KAZN: variants seen among roughly 807,000 people sequenced by gnomAD.
KAZN encodes the protein kazrin, periplakin interacting protein.
Under a neutral mutation model 87.4 loss-of-function variants are expected in KAZN, and 40 were observed. That is an observed-to-expected ratio of 0.46 (90% CI 0.36 to 0.60). KAZN has a LOEUF of 0.60. KAZN is among the 20% of genes least tolerant of loss of function. The probability of loss-of-function intolerance (pLI) is 0.00; values close to 1 mark genes in which losing one functional copy is unlikely to be tolerated. For synonymous variants in KAZN, 466 were observed against 458.3 expected (o/e 1.02, Z -0.22); for missense variants, 898 against 1,073.9 (o/e 0.84, Z 2.29).
At position 14,642,188 on chromosome 1, in the gene KAZN, G is replaced by A. The variant is rs57431148; in HGVS notation, c.226+42965G>A. Among the ~76,000 whole-genome samples the A allele has an allele frequency of 6.5e-3, 992 of 152,136 alleles. 22 individuals carry two copies. The highest frequency in any genetic ancestry group is 0.038 in the East Asian group (197 of 5,174). ...GCCAAGGCGGGCAGATGACAAGCTC[G>A]GGAGATCGAGACCATCCTGGCTAAC... On this transcript the variant is annotated intron_variant, in intron 1 of 14. Coordinates refer to ENST00000376030, the MANE Select transcript of KAZN (RefSeq NM_201628.3).
rs139092577 is a variant in KAZN at position 15,081,561 on chromosome 1, CGTGT to C, written c.1223-12603_1223-12600del. ...GAAAGGTTCCAGGAATTAATGACAG[CGTGT>C]GTGTGTGTGTGTGTGAGTGTGTGTG... On this transcript the variant is annotated intron_variant, in intron 8 of 14. Coordinates refer to ENST00000376030, the MANE Select transcript of KAZN (RefSeq NM_201628.3). This position sits in a 1 kb window ranked among gnomAD's most constrained non-coding sequence, Gnocchi z 4.1. Among the ~76,000 whole-genome samples, 30 of 149,768 alleles carry C rather than the reference CGTGT, an allele frequency of 2.0e-4. No individual in the cohort carries two copies. The highest frequency in any genetic ancestry group is 6.9e-3 in the Middle Eastern group (2 of 290).
intron 2 of KAZN, among the ~76,000 whole-genome samples, chr1:14,254,376 C>A (rs866230895): frequency 6.6e-6 from 1 of 152,188 alleles, no homozygotes; most frequent in Non-Finnish European, 1.5e-5. Context: ...GTATTTATGA[C>A]CTGCATCTCC....
chr1:13,922,005 A>G (rs1171996868), intron 1 of KAZN, among the ~76,000 whole-genome samples: 2 of 152,020 alleles, frequency 1.3e-5, no homozygotes, highest in East Asian at 3.9e-4. Context: ...GGTTTTTTCC[A>G]TGTGTCTTTT....
intron 2 of KAZN, among the ~76,000 whole-genome samples, chr1:14,578,112 A>G (rs533761658): frequency 2.0e-5 from 3 of 152,146 alleles, no homozygotes; most frequent in Non-Finnish European, 4.4e-5. Context: ...TTGGACGCAT[A>G]ATGAGCACAT....
chr1:14,133,052 T>G (rs1249217065), intron 1 of KAZN, among the ~76,000 whole-genome samples: 3 of 152,098 alleles, frequency 2.0e-5, no homozygotes, highest in Non-Finnish European at 4.4e-5. Context: ...GAAGTCTACT[T>G]TATTACATTC....
At chr1:14,241,515 A>G (rs1427523104) in intron 2 of KAZN, among the ~76,000 whole-genome samples, 2 of 152,242 alleles carry the variant, frequency 1.3e-5, no homozygotes, top group Admixed American at 1.3e-4. Context: ...AGAAACAGAC[A>G]TATAATAACA....
At chr1:14,904,237 G>A (rs1656240785) in intron 1 of KAZN, among the ~76,000 whole-genome samples, 3 of 150,920 alleles carry the variant, frequency 2.0e-5, no homozygotes, top group South Asian at 4.2e-4. Context: ...CTTGGGAGGC[G>A]GAGTTTGCAG....
At chr1:14,646,153 C>T (rs1248691225) in intron 1 of KAZN, among the ~76,000 whole-genome samples, 2 of 152,092 alleles carry the variant, frequency 1.3e-5, no homozygotes, top group Non-Finnish European at 2.9e-5. Context: ...GGGTGATAGA[C>T]CCCGGCCATA....
chr1:14,182,204 G>A (rs894336257), intron 2 of KAZN, among the ~76,000 whole-genome samples: 2 of 152,136 alleles, frequency 1.3e-5, no homozygotes, highest in African/African-American at 4.8e-5. Flanking sequence ...CTGCTAGAAT[G>A]TTCTCCTTTA....
intron 2 of KAZN, among the ~76,000 whole-genome samples, chr1:14,980,324 G>C (rs1666103779): frequency 6.6e-6 from 1 of 152,230 alleles, no homozygotes; most frequent in Admixed American, 6.5e-5. Context: ...TGTTGGGAGA[G>C]TGGGAGTCAA....
intron 1 of KAZN, among the ~76,000 whole-genome samples, chr1:14,079,246 T>C (rs1406933415): frequency 1.3e-5 from 2 of 152,244 alleles, no homozygotes; most frequent in Non-Finnish European, 2.9e-5. Context: ...CCAGGCTCTT[T>C]AACTCTTTTC....
intron 1 of KAZN, among the ~76,000 whole-genome samples, chr1:13,943,929 G>T (rs554562547): frequency 1.4e-4 from 21 of 152,324 alleles, no homozygotes; most frequent in Non-Finnish European, 2.8e-4. Flanking sequence ...AGTATTTCTG[G>T]TCAGAATGTA....
chr1:14,737,893 C>G (rs967369392), intron 1 of KAZN, among the ~76,000 whole-genome samples: 2 of 152,156 alleles, frequency 1.3e-5, no homozygotes, highest in Non-Finnish European at 1.5e-5. Flanking sequence ...TTTAAGGACT[C>G]ACCTGATTAG....
chr1:15,069,551 C>T (rs976565644), intron 8 of KAZN, among the ~76,000 whole-genome samples: 4 of 152,310 alleles, frequency 2.6e-5, no homozygotes, highest in East Asian at 1.9e-4. Context: ...GGCATGAACC[C>T]GGGAGTTGGA....
chr1:14,836,758 C>T (rs929690355), intron 1 of KAZN, among the ~76,000 whole-genome samples: 4 of 152,126 alleles, frequency 2.6e-5, no homozygotes, highest in Non-Finnish European at 2.9e-5. Context: ...GATTCCCCCA[C>T]GCCTTGCCTC....
At chr1:14,050,648 A>G (rs1294165896) in intron 1 of KAZN, among the ~76,000 whole-genome samples, 1 of 152,162 alleles carries the variant, frequency 6.6e-6, no homozygotes, top group East Asian at 1.9e-4. Flanking sequence ...GGGGATTACA[A>G]TTCGAGATGA....
intron 1 of KAZN, among the ~76,000 whole-genome samples, chr1:13,941,963 A>G (rs1640943706): frequency 6.6e-6 from 1 of 152,174 alleles, no homozygotes; most frequent in South Asian, 2.1e-4. Flanking sequence ...GTTGAACAGA[A>G]CTCAGTAGTC....
intron 1 of KAZN, among the ~76,000 whole-genome samples, chr1:13,894,635 T>C (rs1638965772): frequency 6.6e-6 from 1 of 152,204 alleles, no homozygotes; most frequent in South Asian, 2.1e-4. Context: ...CTCAGGAAGA[T>C]GGTGAGACGA....
At chr1:14,469,243 CATGAACGT>C (rs1175676643) in intron 2 of KAZN, among the ~76,000 whole-genome samples, 1 of 152,164 alleles carries the variant, frequency 6.6e-6, no homozygotes, top group African/African-American at 2.4e-5. Flanking sequence ...CTATATTCCC[CATGAACGT>C]ATAAAGTGTT....
Sources: allele counts gnomAD v4.1 joint callset (sites outside exome capture counted in the v4.1 genomes callset), GRCh38; gene constraint gnomAD v4.1.1; non-coding constraint Gnocchi (gnomAD v3.1); transcripts MANE v1.5; gene names NCBI Gene and HGNC (gene_info 2026-07-23, HGNC 2026-07-21).